DIP2B: variants seen among roughly 807,000 people sequenced by gnomAD.
The protein encoded by DIP2B is DIP2 acetate--CoA ligase B (putative).
DIP2B carries 76 observed loss-of-function variants against 198.0 expected under a neutral mutation model. The observed-to-expected ratio is 0.38, with a 90% confidence interval of 0.32 to 0.46. DIP2B has a LOEUF of 0.46. Among genes scored for constraint, DIP2B ranks in the 20% least tolerant of loss-of-function variants. The probability of loss-of-function intolerance (pLI) is 0.99; values close to 1 mark genes in which losing one functional copy is unlikely to be tolerated. For synonymous variants in DIP2B, 701 were observed against 739.1 expected, an observed-to-expected ratio of 0.95 and a Z score of 0.84; for missense variants, 1,559 against 1,978.4, an observed-to-expected ratio of 0.79 and a Z score of 4.02.
At chr12:50,525,513 C>G (rs1350662425) in intron 1 of DIP2B, among the ~76,000 whole-genome samples, 1 of 139,360 alleles carries the variant, frequency 7.2e-6, no homozygotes, top group South Asian at 2.3e-4. Flanking sequence ...TCTAGGTCCC[C>G]TTTTTTTTTT....
At chr12:50,619,266 G>A (rs1031684225) in intron 1 of DIP2B, among the ~76,000 whole-genome samples, 1 of 152,140 alleles carries the variant, frequency 6.6e-6, no homozygotes, top group African/African-American at 2.4e-5. Flanking sequence ...TCAAGGTACT[G>A]CACAAGGTCA....
chr12:50,638,761 G>C (rs757380211), intron 2 of DIP2B, among the ~76,000 whole-genome samples: 3 of 152,050 alleles, frequency 2.0e-5, no homozygotes, highest in Non-Finnish European at 4.4e-5. Flanking sequence ...ATGTCCTGCT[G>C]TCCTCCCATG....
intron 30 of DIP2B, among the ~76,000 whole-genome samples, chr12:50,730,332 C>CT (rs1452415095): frequency 6.6e-6 from 1 of 151,482 alleles, no homozygotes; most frequent in Non-Finnish European, 1.5e-5. Context: ...TCTTTTTCTT[C>CT]TTTTTCTTTC....
intron 3 of DIP2B, chr12:50,656,879 T>G (rs1938563671): frequency 1.3e-5 from 2 of 152,100 alleles, no homozygotes; most frequent in African/African-American, 2.4e-5. Flanking sequence ...CCAGGAAAAC[T>G]TTTTCTTATA....
intron 2 of DIP2B, chr12:50,633,267 A>T (rs1402823535): frequency 6.6e-6 from 1 of 152,182 alleles, no homozygotes; most frequent in Non-Finnish European, 1.5e-5. Flanking sequence ...AATAGTAAGT[A>T]ATAGGGTGCT....
intron 1 of DIP2B, among the ~76,000 whole-genome samples, chr12:50,568,180 A>G (rs1170744817): frequency 6.6e-6 from 1 of 152,204 alleles, no homozygotes; most frequent in Non-Finnish European, 1.5e-5. Flanking sequence ...GGAGTGTCTT[A>G]TAGCTCAGTT....
At chr12:50,553,233 C>A (rs1958442309) in intron 1 of DIP2B, among the ~76,000 whole-genome samples, 1 of 152,178 alleles carries the variant, frequency 6.6e-6, no homozygotes, top group Non-Finnish European at 1.5e-5. Context: ...AAGAGACTGC[C>A]TTTTCCCCAT....
intron 7 of DIP2B, among the ~76,000 whole-genome samples, chr12:50,676,393 G>A (rs572380163): frequency 2.6e-5 from 4 of 152,152 alleles, no homozygotes; most frequent in East Asian, 1.9e-4. Flanking sequence ...AATTTATACC[G>A]CAGAAAGCAA....
At chr12:50,617,372 G>T (rs371068178) in intron 1 of DIP2B, among the ~76,000 whole-genome samples, 4 of 151,820 alleles carry the variant, frequency 2.6e-5, no homozygotes, top group African/African-American at 4.8e-5. Context: ...AGCCAGGATG[G>T]TCTCAATTTC....
Position 50,592,987 on chromosome 12 carries a change from C to T in DIP2B, c.101-32989C>T, listed in dbSNP as rs183478670. On this transcript the variant is annotated intron_variant, in intron 1 of 37. Transcript: ENST00000301180. ...GGAGAATTTAAATATGACAAGTTGT[C>T]AGTGTTAGTCCTTGCCATTAGACCT... Among the ~76,000 whole-genome samples, 11 of 152,254 alleles carry T rather than the reference C, an allele frequency of 7.2e-5. No individual in the cohort carries two copies. In the East Asian group the frequency reaches 2.1e-3, roughly 29 times the overall value.
intron 1 of DIP2B, among the ~76,000 whole-genome samples, chr12:50,564,589 C>T (rs993362910): frequency 5.9e-5 from 9 of 152,120 alleles, no homozygotes; most frequent in Non-Finnish European, 1.3e-4. Flanking sequence ...TCTTTATATA[C>T]CATTAAGACC....
intron 3 of DIP2B, among the ~76,000 whole-genome samples, chr12:50,641,564 T>A (rs1413451953): frequency 2.0e-5 from 3 of 152,088 alleles, no homozygotes; most frequent in African/African-American, 7.2e-5. Context: ...ATAACTAGTC[T>A]CTCTTAATTG....
At chr12:50,538,824 G>A (rs1958293260) in intron 1 of DIP2B, among the ~76,000 whole-genome samples, 1 of 152,072 alleles carries the variant, frequency 6.6e-6, no homozygotes, top group African/African-American at 2.4e-5. Context: ...ACTGGGAAAA[G>A]CAAACATAGT....
At chr12:50,586,174 T>C (rs1958768761) in intron 1 of DIP2B, among the ~76,000 whole-genome samples, 1 of 152,210 alleles carries the variant, frequency 6.6e-6, no homozygotes, top group South Asian at 2.1e-4. Flanking sequence ...TGGACAACAA[T>C]ATAGCTATTC....
At chr12:50,692,728 T>A (rs1939243063) in intron 13 of DIP2B, among the ~76,000 whole-genome samples, 1 of 152,022 alleles carries the variant, frequency 6.6e-6, no homozygotes, top group African/African-American at 2.4e-5. Context: ...TCCCAGCTAT[T>A]TGGGAGGCTG....
intron 7 of DIP2B, 70 bp downstream of exon 7, chr12:50,675,518 GTAC>G: frequency 7.0e-7 from 1 of 1,425,494 alleles, no homozygotes; most frequent in South Asian, 1.3e-5. Flanking sequence ...TATGTGTTAG[GTAC>G]TGTAGGGTTA....
chr12:50,544,148 AACC>A (rs971652351), intron 1 of DIP2B, among the ~76,000 whole-genome samples: 8 of 151,194 alleles, frequency 5.3e-5, no homozygotes, highest in African/African-American at 1.7e-4. Flanking sequence ...GAATCGCTTG[AACC>A]TGGGAGGCAG....
rs372966457 is a variant in DIP2B at position 50,685,960 on chromosome 12, A to G, written c.1441+4A>G. The G allele has an allele frequency of 9.9e-6, 16 of 1,608,178 alleles. No individual in the cohort carries two copies. The African/African-American group carries it at 2.0e-4, about 20-fold the overall frequency. On this transcript the variant is annotated splice_donor_region_variant and intron_variant, in intron 11 of 37. Coordinates refer to ENST00000301180, the MANE Select transcript of DIP2B (RefSeq NM_173602.3). ...GGAGAAATTGTACAGTTTAAAGGTT[A>G]GTAACATTGTACCTGAATTATCAGT...
intron 1 of DIP2B, among the ~76,000 whole-genome samples, chr12:50,590,290 TTCTC>T (rs910542747): frequency 6.6e-6 from 1 of 152,112 alleles, no homozygotes; most frequent in Non-Finnish European, 1.5e-5. Context: ...TGTTTCTGCT[TTCTC>T]TCTGTTTTTG....
Sources: gnomAD v4.1 joint callset for allele counts (sites outside exome capture counted in the v4.1 genomes callset) on GRCh38, gnomAD v4.1.1 for gene constraint, MANE v1.5 for transcripts, NCBI Gene and HGNC (gene_info 2026-07-23, HGNC 2026-07-21) for gene names.